MYBL1: variants seen among roughly 807,000 people sequenced by gnomAD.
MYBL1 encodes myb-related protein A.
MYBL1 carries 17 observed loss-of-function variants against 96.3 expected under a neutral mutation model. The observed-to-expected ratio is 0.18, with a 90% CI of 0.12 to 0.26. The LOEUF (loss-of-function observed/expected upper bound fraction) is 0.26, where lower values mean the gene tolerates loss of function less well. Ranked by LOEUF, MYBL1 falls within the 10% of genes least tolerant of loss-of-function variation. The pLI is 1.00. For missense variants in MYBL1, 701 were observed against 882.9 expected, an observed-to-expected ratio of 0.79 and a Z score of 2.61; for synonymous variants, 282 against 292.7, an observed-to-expected ratio of 0.96 and a Z score of 0.37.
intron 8 of MYBL1, among the ~76,000 whole-genome samples, chr8:66,587,246 G>A (rs559647416): frequency 1.3e-5 from 2 of 152,198 alleles, no homozygotes; most frequent in East Asian, 3.9e-4. Flanking sequence ...AAATGTTTGA[G>A]GTGATGGATA....
At chr8:66,580,525 A>G (rs1809164223) in intron 8 of MYBL1, among the ~76,000 whole-genome samples, 159 bp from the exon 9 acceptor site, 1 of 152,170 alleles carries the variant, frequency 6.6e-6, no homozygotes, top group South Asian at 2.1e-4. Flanking sequence ...TGCTTTGACT[A>G]TGTTTCTTTT....
chr8:66,576,702 C>T (rs1808965016), intron 9 of MYBL1, among the ~76,000 whole-genome samples: 1 of 152,196 alleles, frequency 6.6e-6, no homozygotes, highest in Admixed American at 6.5e-5. Flanking sequence ...TACTGCACAT[C>T]AGGAAGACAC....
At chr8:66,591,059 T>C (rs1809619775) in intron 8 of MYBL1, among the ~76,000 whole-genome samples, 1 of 152,176 alleles carries the variant, frequency 6.6e-6, no homozygotes, top group Non-Finnish European at 1.5e-5. Flanking sequence ...AATTTAAAAA[T>C]TTTAATTTGG....
intron 8 of MYBL1, among the ~76,000 whole-genome samples, chr8:66,584,554 A>G (rs1238751047): frequency 6.6e-6 from 1 of 152,138 alleles, no homozygotes; most frequent in Non-Finnish European, 1.5e-5. Flanking sequence ...AAACATCAAC[A>G]CACAAAAAAT....
intron 4 of MYBL1, 57 bp downstream of exon 4, chr8:66,598,993 A>G (rs759300822): frequency 7.7e-6 from 9 of 1,174,144 alleles, no homozygotes; most frequent in Non-Finnish European, 1.0e-5. Context: ...ACAACACATT[A>G]AAAAGAAAAA....
intron 8 of MYBL1, among the ~76,000 whole-genome samples, chr8:66,591,503 C>A (rs941493354): frequency 2.6e-5 from 4 of 152,066 alleles, no homozygotes; most frequent in African/African-American, 9.7e-5. Context: ...GTCTCATCAG[C>A]CAAATCTTAC....
At chr8:66,592,998 C>A (rs1442565656) in intron 7 of MYBL1, 122 bp downstream of exon 7, 2 of 590,574 alleles carry the variant, frequency 3.4e-6, no homozygotes, top group Non-Finnish European at 2.9e-6. Context: ...TTAGAGTACT[C>A]CAAGTAGGAC....
At position 66,566,226 on chromosome 8, in the gene MYBL1, A is replaced by C. The variant is rs1808497721; in HGVS notation, c.1968T>G (p.Thr656=). ...ISDMQSENRF[T]TSLLMIPLLE... ...ATAATGGTATCATTAATAAGGATGT[A>C]GTAAATCTATTTTCTGACTAAGAGA... The change falls in exon 15 of 16, where the codon ACT becomes ACG. Residue 656 remains threonine (T), a synonymous_variant. Transcript: ENST00000522677. 1 of 1,482,036 alleles carries C rather than the reference A, an allele frequency of 6.7e-7. No homozygotes were observed. Among genetic ancestry groups the C allele is most frequent in the Non-Finnish European group, 9.1e-7 (1 of 1,098,152 alleles). The allele number at this position is 1,482,036 out of a possible 1,614,324, so 91.8% of individuals were successfully genotyped here.
rs998954042 is a variant in MYBL1, at chr8:66,605,439, G to A, written c.21-2916C>T. Among the ~76,000 whole-genome samples, 11 of 152,286 alleles carry A rather than the reference G, an allele frequency of 7.2e-5. No homozygotes were observed. The East Asian group carries it at 2.1e-3, about 29-fold the overall frequency. ...TTAATAAAGTGAGGAAGGGGCCAAAGTCAGAACCTGAGTTTTGATGGAGTA... is the reference window on the plus strand; with the variant it reads ...TTAATAAAGTGAGGAAGGGGCCAAAATCAGAACCTGAGTTTTGATGGAGTA... On this transcript the variant is annotated intron_variant, in intron 1 of 15. Coordinates refer to ENST00000522677, the MANE Select transcript of MYBL1 (RefSeq NM_001080416.4).
intron 15 of MYBL1, chr8:66,565,187 T>A (rs1370304170): frequency 1.3e-5 from 2 of 153,036 alleles, no homozygotes; most frequent in African/African-American, 4.8e-5. Flanking sequence ...AGAGAGGATG[T>A]AATGTCAAAA....
intron 10 of MYBL1, among the ~76,000 whole-genome samples, chr8:66,574,039 A>C (rs1487758962): frequency 6.6e-6 from 1 of 152,226 alleles, no homozygotes; most frequent in African/African-American, 2.4e-5. Flanking sequence ...ACCTCTAAGC[A>C]GTCAAAACTG....
At chr8:66,590,096 A>C (rs1158581943) in intron 8 of MYBL1, among the ~76,000 whole-genome samples, 3 of 152,084 alleles carry the variant, frequency 2.0e-5, no homozygotes, top group Admixed American at 2.0e-4. Context: ...AAAAACAAAA[A>C]ACAGAAATTG....
At chr8:66,566,838 C>T (rs1489926396) in intron 13 of MYBL1, 38 bp downstream of exon 13, 4 of 1,589,610 alleles carry the variant, frequency 2.5e-6, no homozygotes, top group African/African-American at 1.3e-5. Context: ...CTCTTGGATA[C>T]AATAAGACTT....
intron 3 of MYBL1, among the ~76,000 whole-genome samples, chr8:66,601,422 C>T (rs1810068827): frequency 6.6e-6 from 1 of 151,772 alleles, no homozygotes; most frequent in South Asian, 2.1e-4. Flanking sequence ...CGTGTATTAG[C>T]AAATATTTAT....
At chr8:66,605,831 A>G (rs1430897900) in intron 1 of MYBL1, among the ~76,000 whole-genome samples, 1 of 152,180 alleles carries the variant, frequency 6.6e-6, no homozygotes, top group East Asian at 1.9e-4. Flanking sequence ...ATAAATAAGT[A>G]AACTGAATTA....
intron 1 of MYBL1, 29 bp downstream of exon 1, chr8:66,612,790 C>A: frequency 7.4e-7 from 1 of 1,352,428 alleles, no homozygotes; most frequent in Non-Finnish European, 9.6e-7. Flanking sequence ...ACGGCGCCGA[C>A]AGGCCTGGGC....
chr8:66,580,268 G>A lies in MYBL1; in HGVS notation c.966C>T (p.Tyr322=), dbSNP rs1809150577. The change falls in exon 9 of 16, where the codon TAC becomes TAT. Residue 322 remains tyrosine, a synonymous_variant. Coordinates refer to ENST00000522677, the MANE Select transcript of MYBL1 (RefSeq NM_001080416.4). ...ACACAGGCTGATTTTCATCCATACTGTAAAACTCACTAGTGTGCTCGTCAA... is the reference window on the plus strand; with the variant it reads ...ACACAGGCTGATTTTCATCCATACTATAAAACTCACTAGTGTGCTCGTCAA... ...NSLDEHTSEF[Y]SMDENQPVSA... The A allele has an allele frequency of 5.0e-6, 8 of 1,613,758 alleles. No homozygotes were observed. In the East Asian group the frequency reaches 1.6e-4, roughly 31 times the overall value.
At position 66,566,072 on chromosome 8, in the gene MYBL1, T is replaced by A. The variant is rs1266381948; in HGVS notation, c.2122A>T (p.Asn708Tyr). Residue 708 changes from asparagine (N) to tyrosine (Y), a missense_variant, in exon 15 of 16, where the codon AAT (asparagine) becomes TAT (tyrosine). Asn to Tyr is a moderately radical substitution (Grantham distance 143). This residue lies in a region of MYBL1 where 137 missense variants were observed against 137.5 expected (regional missense o/e 1.00). Transcript: ENST00000522677. Reference sequence around the variant, plus strand: ...AATTTATAAATCCATACCTGAAGATTCTTTTCCAATTTGACAACTTTGGAA... The same window carrying A: ...AATTTATAAATCCATACCTGAAGATACTTTTCCAATTTGACAACTTTGGAA... ...NTSKVVKLEKNLQSNCEWETV... is the reference protein window; with the variant it reads ...NTSKVVKLEKYLQSNCEWETV... The A allele has an allele frequency of 6.6e-7, 1 of 1,521,936 alleles. No individual in the cohort carries two copies. The highest frequency in any genetic ancestry group is 1.3e-5 in the South Asian group (1 of 78,582). The allele number at this position is 1,521,936 out of a possible 1,614,324, so 94.3% of individuals were successfully genotyped here.
chr8:66,576,727 T>A (rs1385341336), intron 9 of MYBL1, among the ~76,000 whole-genome samples: 2 of 152,254 alleles, frequency 1.3e-5, no homozygotes, highest in African/African-American at 4.8e-5. Flanking sequence ...AAATTCTGCA[T>A]AATCATTTGG....
Sources: gnomAD v4.1 joint callset for allele counts (sites outside exome capture counted in the v4.1 genomes callset) on GRCh38, gnomAD v4.1.1 for gene constraint, gnomAD v4.1.1 regional missense constraint, MANE v1.5 for transcripts, NCBI Gene and HGNC (gene_info 2026-07-23, HGNC 2026-07-21) for gene names.